POP1: variants seen among roughly 807,000 people sequenced by gnomAD.
POP1 encodes POP1 ribonuclease P/MRP subunit.
A neutral mutation model predicts 102.2 loss-of-function variants in POP1; 75 were observed. The ratio of observed to expected loss-of-function variants is 0.73; its 90% CI spans 0.61 to 0.89. The LOEUF (loss-of-function observed/expected upper bound fraction) is 0.89, where lower values mean the gene tolerates loss of function less well. POP1 is among the 40% of genes least tolerant of loss of function. The pLI, the probability that POP1 is intolerant of heterozygous loss-of-function variation, is 0.00. For synonymous variants in POP1, 436 were observed against 464.1 expected (o/e 0.94, Z 0.78); for missense variants, 1,116 against 1,267.4 (o/e 0.88, Z 1.81).
chr8:98,144,231 T>G (rs1020065033), intron 11 of POP1, among the ~76,000 whole-genome samples: 3 of 152,056 alleles, frequency 2.0e-5, no homozygotes, highest in Admixed American at 6.6e-5. Context: ...TCAATAATAC[T>G]CCTTTGGACA....
intron 4 of POP1, among the ~76,000 whole-genome samples, chr8:98,129,123 TA>T (rs955145621): frequency 1.5e-4 from 22 of 151,652 alleles, no homozygotes; most frequent in African/African-American, 3.1e-4. Context: ...TCCCAGATGT[TA>T]AAAAAAAACT....
At chr8:98,127,145 T>A (rs183610043) in intron 2 of POP1, among the ~76,000 whole-genome samples, 97 of 152,216 alleles carry the variant, frequency 6.4e-4, no homozygotes, top group African/African-American at 2.2e-3. Context: ...TTTATAAGGA[T>A]ACTAATCTCA....
intron 2 of POP1, among the ~76,000 whole-genome samples, chr8:98,124,525 C>G (rs965291077): frequency 6.6e-6 from 1 of 151,330 alleles, no homozygotes; most frequent in Non-Finnish European, 1.5e-5. Context: ...CGTGCCACTG[C>G]ACTCCAGCCT....
intron 2 of POP1, among the ~76,000 whole-genome samples, chr8:98,124,754 G>A (rs1006578997): frequency 6.6e-6 from 1 of 152,144 alleles, no homozygotes; most frequent in Non-Finnish European, 1.5e-5. Context: ...TAACATCAAT[G>A]ATTATTATAC....
chr8:98,150,714 C>A, intron 14 of POP1, 75 bp downstream of exon 14: 1 of 1,404,958 alleles, frequency 7.1e-7, no homozygotes, highest in Non-Finnish European at 9.9e-7. Context: ...GTATCCCAAA[C>A]ATTAGGATGG....
At chr8:98,135,468 A>AT (rs765771592) in intron 7 of POP1, among the ~76,000 whole-genome samples, 1 of 152,048 alleles carries the variant, frequency 6.6e-6, no homozygotes, top group Non-Finnish European at 1.5e-5. Flanking sequence ...AATTCTAATG[A>AT]TTTTTCACAC....
rs1483351084 is a variant in POP1, at chr8:98,136,536, G to A, written c.1066G>A (p.Ala356Thr). 6.2e-7 allele frequency: 1 copy of A among 1,614,002 alleles called. No individual in the cohort carries two copies. The highest frequency in any genetic ancestry group is 8.5e-7 in the Non-Finnish European group (1 of 1,179,944). ...ACQCVEPIKS[A>T]VCIADPLPTP... ...CCAGTGTGTGGAACCCATCAAATCA[G>A]CTGTCTGCATCGCTGACCCACTTCC... The change falls in exon 8 of 16, where the codon GCT (alanine) becomes ACT (threonine). Residue 356 changes from alanine (A) to threonine (T), a missense_variant. Ala to Thr is a moderately conservative substitution (Grantham distance 58). Transcript: ENST00000401707.
At chr8:98,150,409 A>T (rs559466538) in intron 13 of POP1, 76 bp from the exon 14 acceptor site, 1 of 1,545,296 alleles carries the variant, frequency 6.5e-7, no homozygotes, top group East Asian at 2.2e-5. Flanking sequence ...GGTTGTTTCC[A>T]TTTTCCCCCA....
intron 15 of POP1, among the ~76,000 whole-genome samples, chr8:98,157,113 G>A (rs1355876264): frequency 6.6e-6 from 1 of 152,016 alleles, no homozygotes; most frequent in African/African-American, 2.4e-5. Flanking sequence ...CTGACCTCAG[G>A]TGACCCGCCC....
In POP1 at chr8:98,134,609, C is replaced by A. The variant is rs766520200; in HGVS notation, c.961C>A (p.Pro321Thr). The A allele has an allele frequency of 1.5e-5, 24 of 1,613,928 alleles. No homozygotes were observed. Among genetic ancestry groups the A allele is most frequent in the African/African-American group, 2.7e-5 (2 of 74,914 alleles). The change falls in exon 7 of 16, where the codon CCT (proline) becomes ACT (threonine). Residue 321 changes from proline to threonine, a missense_variant. Transcript: ENST00000401707. The part of the protein sequence containing the change: ...IWKSQRTPGD[P>T]SESRQLWIWL... ...GAAGTCCCAGAGGACCCCGGGTGAC[C>A]CTTCTGAGAGCAGGCAGCTGTGGAT...
At chr8:98,149,909 T>G (rs1452805758) in intron 13 of POP1, among the ~76,000 whole-genome samples, 1 of 152,168 alleles carries the variant, frequency 6.6e-6, no homozygotes, top group Non-Finnish European at 1.5e-5. Context: ...AGTTAATCAT[T>G]CAGGAGTAGG....
At chr8:98,146,527 C>G (rs1816846846) in intron 11 of POP1, 41 bp from the exon 12 acceptor site, 1 of 1,415,758 alleles carries the variant, frequency 7.1e-7, no homozygotes, top group Admixed American at 1.7e-5. Flanking sequence ...CTTCATTGAT[C>G]TGAAGGATGT....
At chr8:98,149,892 G>T (rs1809474765) in intron 13 of POP1, among the ~76,000 whole-genome samples, 1 of 152,118 alleles carries the variant, frequency 6.6e-6, no homozygotes, top group Non-Finnish European at 1.5e-5. Context: ...TAGTGCAAGG[G>T]ACATCCAGTT....
At chr8:98,121,212 C>T (rs1816009829) in intron 1 of POP1, among the ~76,000 whole-genome samples, 1 of 152,208 alleles carries the variant, frequency 6.6e-6, no homozygotes, top group Non-Finnish European at 1.5e-5. Flanking sequence ...ATCTTTCAAA[C>T]TCCATAGTGA....
intron 1 of POP1, among the ~76,000 whole-genome samples, chr8:98,122,192 A>C (rs1195417967): frequency 1.3e-5 from 2 of 152,156 alleles, no homozygotes; most frequent in East Asian, 3.9e-4. Flanking sequence ...GCAAGTTTGT[A>C]CTTTTTTTGG....
chr8:98,148,860 C>G lies in POP1; in HGVS notation c.1756C>G (p.Leu586Val), dbSNP rs1454153909. The G allele has an allele frequency of 6.2e-7, 1 of 1,613,740 alleles. No individual in the cohort carries two copies. Among genetic ancestry groups the G allele is most frequent in the African/African-American group, 1.3e-5 (1 of 74,916 alleles). Residue 586 changes from leucine (L) to valine (V), a missense_variant, in exon 13 of 16, where the codon CTT (leucine) becomes GTT (valine). Coordinates refer to ENST00000401707, the MANE Select transcript of POP1 (RefSeq NM_001145860.2). ...TGAATTGCTGGTGCCTGGGTCACAG[C>G]TTATTTTAGGTCCCCATGAATCCAA... Reference protein sequence around the residue: ...RSELLVPGSQLILGPHESKIP... With the variant: ...RSELLVPGSQVILGPHESKIP...
rs751217121 is a variant in POP1 at position 98,136,812 on chromosome 8, G to C, written c.1269-49G>C. On this transcript the variant is annotated intron_variant, in intron 8 of 15. Transcript: ENST00000401707. ...CTGCTCCATTTTTGTCAGTGGCACA[G>C]ATGTTGTGTGATGAAAGTTTCCATT... 3.7e-6 allele frequency: 6 copies of C among 1,606,824 alleles called. No homozygotes were observed. The African/African-American group carries it at 4.0e-5, about 11-fold the overall frequency.
At chr8:98,121,373 G>C (rs1816014972) in intron 1 of POP1, among the ~76,000 whole-genome samples, 1 of 152,124 alleles carries the variant, frequency 6.6e-6, no homozygotes, top group South Asian at 2.1e-4. Flanking sequence ...AGTTTGTGTA[G>C]GTGTTTTGGT....
intron 13 of POP1, 64 bp from the exon 14 acceptor site, chr8:98,150,421 A>G (rs1382271763): frequency 3.8e-5 from 60 of 1,583,066 alleles, no homozygotes; most frequent in Non-Finnish European, 5.0e-5. Context: ...TTTCCCCCAT[A>G]TAAACATTAA....
Sources: allele counts gnomAD v4.1 joint callset (sites outside exome capture counted in the v4.1 genomes callset), GRCh38; gene constraint gnomAD v4.1.1; transcripts MANE v1.5; gene names NCBI Gene and HGNC (gene_info 2026-07-23, HGNC 2026-07-21).